Variants in ZNF254 observed in about 807,000 individuals in gnomAD.
ZNF254 encodes CTD-2017D11.1.
Under a neutral mutation model 12.4 loss-of-function variants are expected in ZNF254, and 10 were observed. The ratio of observed to expected loss-of-function variants is 0.80; its 90% CI spans 0.50 to 1.36. ZNF254 has a LOEUF of 1.36. Ranked by LOEUF, ZNF254 falls within the 40% of genes most tolerant of loss-of-function variation. The pLI is 0.00. For synonymous variants in ZNF254, 305 were observed against 253.4 expected (o/e 1.20, Z -1.93); for missense variants, 996 against 763.9 (o/e 1.30, Z -3.58).
At chr19:24,086,109 A>C (rs994333319), upstream of ZNF254, among the ~76,000 whole-genome samples, 8 of 151,764 alleles carry the variant, frequency 5.3e-5, no homozygotes, top group Non-Finnish European at 1.0e-4. Flanking sequence ...CGGGAGGCTG[A>C]GGCAGGAGAA....
upstream of ZNF254, among the ~76,000 whole-genome samples, chr19:24,083,994 T>C (rs757922401): frequency 2.0e-5 from 3 of 151,892 alleles, no homozygotes; most frequent in Non-Finnish European, 4.4e-5. Context: ...GGTATCTACA[T>C]GGTGAAAAAT....
upstream of ZNF254, among the ~76,000 whole-genome samples, chr19:24,085,958 G>A (rs1300809812): frequency 1.3e-5 from 2 of 152,238 alleles, no homozygotes; most frequent in African/African-American, 2.4e-5. Context: ...TGTAATCCCA[G>A]TAATTTGGGA....
Position 24,087,229 on chromosome 19 carries a change from A to G in ZNF254, c.-79A>G. ...TCGCCGGAGTCCCAGGTCTGTCTTC[A>G]CTGCTCTGTGTCCTCTGCTCCTAGA... On this transcript the variant is annotated 5_prime_UTR_variant, in exon 1 of 4. Transcript: ENST00000357002. 1 of 1,597,588 alleles carries G rather than the reference A, an allele frequency of 6.3e-7. No homozygotes were observed. The highest frequency in any genetic ancestry group is 8.6e-7 in the Non-Finnish European group (1 of 1,166,728).
chr19:24,117,046 C>G (rs1599748261), intron 3 of ZNF254, among the ~76,000 whole-genome samples: 3 of 152,102 alleles, frequency 2.0e-5, no homozygotes, highest in South Asian at 2.1e-4. Flanking sequence ...TCTGATCATT[C>G]TTCTGGAAGT....
rs771973658 is a variant in ZNF254, at chr19:24,126,924, C to T, written c.924C>T (p.Thr308=). ...ECGKAFIWSS[T]LTEHKKIHTR... is the part of the protein sequence containing the mutation. The stretch of plus-strand genomic sequence containing the variant: ...GCAAAGCATTTATCTGGTCCTCAAC[C>T]CTTACTGAGCATAAGAAAATTCATA... Residue 308 remains threonine, a synonymous_variant, in exon 4 of 4, where the codon ACC becomes ACT. Transcript: ENST00000357002. 5.0e-6 allele frequency: 8 copies of T among 1,612,130 alleles called. No individual in the cohort carries two copies. In the African/African-American group the frequency reaches 9.4e-5, roughly 19 times the overall value.
chr19:24,105,418 G>T, intron 1 of ZNF254: 1 of 260,444 alleles, frequency 3.8e-6, no homozygotes, highest in Non-Finnish European at 7.3e-6. Flanking sequence ...TGACAAAATA[G>T]TCTTTTGGGG....
At chr19:24,036,925 T>C (rs1969988445) in intron 1 of ZNF254, among the ~76,000 whole-genome samples, 1 of 152,214 alleles carries the variant, frequency 6.6e-6, no homozygotes, top group Non-Finnish European at 1.5e-5. Context: ...AATTACTCTA[T>C]AGTGGCTTTA....
At chr19:24,059,932 C>G (rs1312548084) in intron 2 of ZNF254, among the ~76,000 whole-genome samples, 1 of 152,074 alleles carries the variant, frequency 6.6e-6, no homozygotes, top group African/African-American at 2.4e-5. Context: ...TGGCATGTCT[C>G]TGGCCTCATT....
At chr19:24,105,374 C>T in intron 1 of ZNF254, 1 of 223,886 alleles carries the variant, frequency 4.5e-6, no homozygotes. Context: ...AAACAAAAAA[C>T]AAAAACAACA....
intron 1 of ZNF254, among the ~76,000 whole-genome samples, chr19:24,039,139 T>C (rs1225204828): frequency 6.6e-6 from 1 of 152,162 alleles, no homozygotes; most frequent in Non-Finnish European, 1.5e-5. Context: ...TGTAACACAA[T>C]ATGGAGCCAA....
chr19:24,076,334 T>G (rs1971657871), intron 2 of ZNF254, among the ~76,000 whole-genome samples: 2 of 152,236 alleles, frequency 1.3e-5, no homozygotes, highest in African/African-American at 4.8e-5. Flanking sequence ...CAATTTATAT[T>G]CTGCTGCGGC....
chr19:24,043,944 T>G (rs916650605), intron 1 of ZNF254, among the ~76,000 whole-genome samples: 4 of 152,078 alleles, frequency 2.6e-5, no homozygotes, highest in Non-Finnish European at 4.4e-5. Context: ...TAAATAGGGG[T>G]AAAACGCAAA....
intron 1 of ZNF254, among the ~76,000 whole-genome samples, chr19:24,039,485 C>T (rs1457608257): frequency 1.3e-5 from 2 of 152,024 alleles, no homozygotes; most frequent in East Asian, 3.9e-4. Context: ...AGTGCAGTGG[C>T]GTGACCTTGG....
chr19:24,122,227 GT>G (rs553476511), intron 3 of ZNF254, among the ~76,000 whole-genome samples: 1 of 151,370 alleles, frequency 6.6e-6, no homozygotes, highest in African/African-American at 2.4e-5. Context: ...CTTTTTTCTT[GT>G]TTTTTTTCTT....
chr19:24,126,734 A>G lies in ZNF254; in HGVS notation c.734A>G (p.Lys245Arg), dbSNP rs569526882. 2 of 1,613,456 alleles carry G rather than the reference A, an allele frequency of 1.2e-6. No homozygotes were observed. Among genetic ancestry groups the G allele is most frequent in the Non-Finnish European group, 1.7e-6 (2 of 1,179,828 alleles). ...CCTTACAAATGTGAAGAATATAACA[A>G]ATCTCCTAAGCAACTCTCAACCCTT... ...EKPYKCEEYN[K>R]SPKQLSTLTT... The change falls in exon 4 of 4, where the codon AAA becomes AGA. Residue 245 changes from lysine to arginine, a missense_variant. Lys to Arg is a conservative substitution (Grantham distance 26). Transcript: ENST00000357002.
At chr19:24,117,148 C>T (rs913702705) in intron 3 of ZNF254, among the ~76,000 whole-genome samples, 12 of 152,224 alleles carry the variant, frequency 7.9e-5, no homozygotes, top group East Asian at 3.9e-4. Flanking sequence ...TTCAGGGGTC[C>T]GGGACCCACT....
chr19:24,071,326 C>A (rs1354820552), intron 2 of ZNF254, among the ~76,000 whole-genome samples: 1 of 152,150 alleles, frequency 6.6e-6, no homozygotes, highest in Non-Finnish European at 1.5e-5. Context: ...TGTTCCCTGT[C>A]CACAGGAGAC....
chr19:24,106,877 A>G (rs948466701), intron 3 of ZNF254: 1 of 439,772 alleles, frequency 2.3e-6, no homozygotes, highest in Non-Finnish European at 4.0e-6. Flanking sequence ...GTGACAGCCG[A>G]AGTACTGTTC....
chr19:24,065,683 C>T (rs1198040445), intron 2 of ZNF254: 11 of 138,656 alleles, frequency 7.9e-5, no homozygotes, highest in African/African-American at 3.2e-4. Flanking sequence ...TCCAGCACCT[C>T]GGTGATTTGA....
Sources: gnomAD v4.1 joint callset for allele counts (sites outside exome capture counted in the v4.1 genomes callset) on GRCh38, gnomAD v4.1.1 for gene constraint, MANE v1.5 for transcripts, NCBI Gene and HGNC (gene_info 2026-07-23, HGNC 2026-07-21) for gene names.